The following YWHAE variants were observed in gnomAD, a reference collection of about 807,000 sequenced individuals.
The protein encoded by YWHAE is 14-3-3 protein epsilon.
YWHAE carries 4 observed loss-of-function variants against 30.1 expected under a neutral mutation model. The ratio of observed to expected loss-of-function variants is 0.13; its 90% CI spans 0.07 to 0.30. The LOEUF is 0.30. YWHAE is among the 10% of genes least tolerant of loss of function. The pLI, the probability that YWHAE is intolerant of heterozygous loss-of-function variation, is 1.00. For missense variants in YWHAE, 121 were observed against 315.9 expected (o/e 0.38, Z 4.68); for synonymous variants, 118 against 111.8 (o/e 1.06, Z -0.35).
rs775520711 is a variant in YWHAE at position 1,345,536 on chromosome 17, G to A, written c.716-37C>T. On this transcript the variant is annotated intron_variant, in intron 5 of 5. Coordinates refer to ENST00000264335, the MANE Select transcript of YWHAE (RefSeq NM_006761.5). The stretch of plus-strand genomic sequence containing the variant: ...GAAAAAAAGTCAATTATTTCGTATT[G>A]ACTACATTAGGCTATGGCAGCCACA... The A allele has an allele frequency of 5.6e-6, 9 of 1,602,178 alleles. No homozygotes were observed. In the Admixed American group the frequency reaches 1.5e-4, roughly 27 times the overall value.
chr17:1,354,662 GT>G (rs2072697467), intron 4 of YWHAE, among the ~76,000 whole-genome samples: 1 of 152,042 alleles, frequency 6.6e-6, no homozygotes, highest in Non-Finnish European at 1.5e-5. Flanking sequence ...ATTTCAAAAA[GT>G]TTTGTTTGTT....
intron 1 of YWHAE, among the ~76,000 whole-genome samples, chr17:1,376,727 A>T (rs2073130353): frequency 6.6e-6 from 1 of 152,194 alleles, no homozygotes; most frequent in African/African-American, 2.4e-5. Context: ...TGATAAACAC[A>T]AAGTACAAAA....
intron 1 of YWHAE, among the ~76,000 whole-genome samples, chr17:1,395,190 C>G (rs1359413468): frequency 6.7e-6 from 1 of 149,518 alleles, no homozygotes; most frequent in East Asian, 2.0e-4. Context: ...GTCAGGAGTT[C>G]AAGACCAGCC....
intron 1 of YWHAE, among the ~76,000 whole-genome samples, chr17:1,382,490 G>A (rs890796874): frequency 6.6e-6 from 1 of 151,080 alleles, no homozygotes; most frequent in Non-Finnish European, 1.5e-5. Flanking sequence ...CCAAGTAGCT[G>A]GGACTACAGG....
intron 1 of YWHAE, chr17:1,399,297 G>A (rs1350750533): frequency 6.6e-6 from 1 of 152,144 alleles, no homozygotes; most frequent in Non-Finnish European, 1.5e-5. Context: ...AGGATTTTCT[G>A]GGCCTCCCCA....
intron 2 of YWHAE, among the ~76,000 whole-genome samples, 169 bp from the exon 3 acceptor site, chr17:1,362,177 C>A (rs770233514): frequency 9.9e-5 from 15 of 152,184 alleles, no homozygotes; most frequent in South Asian, 8.3e-4. Context: ...AAAGCTGCCT[C>A]TAGGTTATAA....
At chr17:1,397,551 C>A (rs1229646668) in intron 1 of YWHAE, among the ~76,000 whole-genome samples, 1 of 152,060 alleles carries the variant, frequency 6.6e-6, no homozygotes, top group Non-Finnish European at 1.5e-5. Context: ...TAAAATAAGC[C>A]TGCTGCAGTA....
Position 1,345,150 on chromosome 17 carries a change from CACATCTGGCACGGAGACG to C in YWHAE, c.*279_*296del, listed in dbSNP as rs2072494168. The C allele has an allele frequency of 2.4e-6, 1 of 424,110 alleles. No individual in the cohort carries two copies. Among genetic ancestry groups the C allele is most frequent in the Non-Finnish European group, 4.2e-6 (1 of 238,458 alleles). The allele number at this position is 424,110 out of a possible 1,614,324, so 26.3% of individuals were successfully genotyped here. A position where few individuals can be genotyped will look rare whatever the true frequency, so the allele number is the denominator to read the frequency against. ...TTCCATTTGCTAATGGTGATCTTGC[CACATCTGGCACGGAGACG>C]ACACAGTAATGCTGAAAAAGCCTCT... On this transcript the variant is annotated 3_prime_UTR_variant, in exon 6 of 6. Transcript: ENST00000264335.
chr17:1,392,740 CTCGGG>C (rs1165178173), intron 1 of YWHAE, among the ~76,000 whole-genome samples: 5 of 151,794 alleles, frequency 3.3e-5, no homozygotes, highest in Non-Finnish European at 7.4e-5. Flanking sequence ...GTCTCAGCTA[CTCGGG>C]AGGCTGAGGC....
chr17:1,390,910 C>G (rs1052759503), intron 1 of YWHAE, among the ~76,000 whole-genome samples: 2 of 152,134 alleles, frequency 1.3e-5, no homozygotes, highest in African/African-American at 4.8e-5. Context: ...ATGGTCTGAA[C>G]TACACAGTTT....
In YWHAE at chr17:1,347,236, G is replaced by T. The variant is rs181813961; in HGVS notation, c.716-1737C>A. On this transcript the variant is annotated intron_variant, in intron 5 of 5. Transcript: ENST00000264335. ...CGCCTGTAGTCCCAGCTACTCGGGA[G>T]GCAGGAGAATGGCGTGAACCCAGGA... is the stretch of plus-strand genomic sequence containing the variant. 2.0e-3 allele frequency among the ~76,000 whole-genome samples: 297 copies of T among 151,818 alleles called. 1 individual carries two copies. Among genetic ancestry groups the T allele is most frequent in the African/African-American group, 7.0e-3 (289 of 41,478 alleles).
rs2073045613 is a variant in YWHAE, at chr17:1,371,703, G to C, written c.65-6645C>G. Among the ~76,000 whole-genome samples the C allele has an allele frequency of 3.3e-5, 5 of 151,776 alleles. No individual in the cohort carries two copies. The South Asian group carries it at 1.0e-3, about 31-fold the overall frequency. On this transcript the variant is annotated intron_variant, in intron 1 of 5. Transcript: ENST00000264335. ...TTCTCTCTAGTTAAGTGAAGTCCTA[G>C]ACAGCATTTTCTTCTAACACAAGGC... is the stretch of plus-strand genomic sequence containing the variant.
intron 1 of YWHAE, among the ~76,000 whole-genome samples, chr17:1,381,817 G>A (rs2073211828): frequency 6.6e-6 from 1 of 151,220 alleles, no homozygotes; most frequent in Non-Finnish European, 1.5e-5. Context: ...TAGGACTGAG[G>A]TGGGAGGATC....
At chr17:1,396,572 C>G (rs1270555475) in intron 1 of YWHAE, among the ~76,000 whole-genome samples, 1 of 152,190 alleles carries the variant, frequency 6.6e-6, no homozygotes, top group East Asian at 1.9e-4. Context: ...ACAACAGCCC[C>G]ACAAGCCCAA....
At chr17:1,368,525 T>C (rs533181288) in intron 1 of YWHAE, among the ~76,000 whole-genome samples, 4 of 148,654 alleles carry the variant, frequency 2.7e-5, no homozygotes, top group South Asian at 4.3e-4. Context: ...GATCGCGCCA[T>C]TGCACTCCAG....
chr17:1,356,917 T>G (rs1014233435), intron 4 of YWHAE, among the ~76,000 whole-genome samples: 1 of 151,462 alleles, frequency 6.6e-6, no homozygotes, highest in African/African-American at 2.4e-5. Flanking sequence ...GGCTTTCACT[T>G]AAAAACCCTA....
rs1030553363 is a variant in YWHAE, at chr17:1,399,815, C to G, written c.64+232G>C. ...CAACCAACTCCTCCACCCCGTCGCCCCGGCCTCCCGGCCCGCGAGTTGTTT... is the reference window on the plus strand; with the variant it reads ...CAACCAACTCCTCCACCCCGTCGCCGCGGCCTCCCGGCCCGCGAGTTGTTT... On this transcript the variant is annotated intron_variant, in intron 1 of 5. Coordinates refer to ENST00000264335, the MANE Select transcript of YWHAE (RefSeq NM_006761.5). The G allele has an allele frequency of 1.5e-4, 88 of 592,282 alleles. 2 individuals carry two copies. In the Admixed American group the frequency reaches 2.5e-3, roughly 17 times the overall value. The allele number at this position is 592,282 out of a possible 1,614,324, so 36.7% of individuals were successfully genotyped here.
chr17:1,392,082 C>A (rs957672633), intron 1 of YWHAE, among the ~76,000 whole-genome samples: 28 of 150,116 alleles, frequency 1.9e-4, no homozygotes, highest in African/African-American at 6.7e-4. Context: ...CTTCTGTAGC[C>A]CCAGCTACTT....
Position 1,389,537 on chromosome 17 carries a change from T to C in YWHAE, c.64+10510A>G, listed in dbSNP as rs183103886. Among the ~76,000 whole-genome samples the C allele has an allele frequency of 2.8e-3, 418 of 151,432 alleles. 1 individual carries two copies. The highest frequency in any genetic ancestry group is 4.4e-3 in the Non-Finnish European group (301 of 67,726). On this transcript the variant is annotated intron_variant, in intron 1 of 5. Transcript: ENST00000264335. The stretch of plus-strand genomic sequence containing the variant: ...ACAATGATTTACGTTTTCTTTCTTT[T>C]TTTTTTTTTTTGAGATGGAGTCTCG...
Sources: allele counts gnomAD v4.1 joint callset (sites outside exome capture counted in the v4.1 genomes callset), GRCh38; gene constraint gnomAD v4.1.1; transcripts MANE v1.5; gene names NCBI Gene and HGNC (gene_info 2026-07-23, HGNC 2026-07-21).